The following KLHL29 variants were observed in gnomAD, a reference collection of about 807,000 sequenced individuals.
KLHL29 encodes the protein kelch-like protein 29.
In KLHL29, 21 loss-of-function variants were observed where a neutral mutation model predicts 80.4. That is an observed-to-expected ratio of 0.26 (90% confidence interval 0.19 to 0.38). The LOEUF is 0.38. Among genes scored for constraint, KLHL29 ranks in the 10% least tolerant of loss-of-function variants. KLHL29 has a pLI of 1.00. For synonymous variants in KLHL29, 511 were observed against 526.8 expected, an observed-to-expected ratio of 0.97 and a Z score of 0.41; for missense variants, 867 against 1,223.9, an observed-to-expected ratio of 0.71 and a Z score of 4.35.
chr2:23,704,696 G>A (rs1284383073), intron 13 of KLHL29, among the ~76,000 whole-genome samples: 1 of 152,210 alleles, frequency 6.6e-6, no homozygotes, highest in Non-Finnish European at 1.5e-5. Flanking sequence ...GAACCCGGGA[G>A]GCGGAGGTTG....
chr2:23,578,269 C>A (rs926618407), intron 3 of KLHL29, among the ~76,000 whole-genome samples: 9 of 152,196 alleles, frequency 5.9e-5, no homozygotes, highest in Admixed American at 5.9e-4. Context: ...CTTAACACAC[C>A]TCTTGGCCTG....
intron 1 of KLHL29, among the ~76,000 whole-genome samples, chr2:23,455,954 A>G (rs941101453): frequency 6.6e-6 from 1 of 152,146 alleles, no homozygotes; most frequent in African/African-American, 2.4e-5. Flanking sequence ...AGAGGGACAC[A>G]GGAATGTGCA....
intron 1 of KLHL29, among the ~76,000 whole-genome samples, chr2:23,417,064 C>A (rs1666995001): frequency 6.6e-6 from 1 of 152,200 alleles, no homozygotes. Context: ...CCTGAATACT[C>A]TTCCTTCCAC....
intron 5 of KLHL29, among the ~76,000 whole-genome samples, chr2:23,675,397 ACT>A (rs1670892145): frequency 6.6e-6 from 1 of 151,668 alleles, no homozygotes; most frequent in African/African-American, 2.4e-5. Flanking sequence ...GGGTCCTGAC[ACT>A]CTGCCCCCTG....
In KLHL29 at chr2:23,465,610, T is replaced by C. The variant is rs1373485162; in HGVS notation, c.-153-9950T>C. ...ATGGCAAAAGCGTCCTCAGTTGGCT[T>C]TTCTCCTGTCCTGTCTCATACCCTA... On this transcript the variant is annotated intron_variant, in intron 1 of 13. Transcript: ENST00000486442. Among the ~76,000 whole-genome samples, 3 of 152,254 alleles carry C rather than the reference T, an allele frequency of 2.0e-5. No homozygotes were observed. The East Asian group carries it at 5.8e-4, about 29-fold the overall frequency.
intron 2 of KLHL29, among the ~76,000 whole-genome samples, chr2:23,512,741 C>A (rs1181913671): frequency 1.3e-5 from 2 of 152,262 alleles, no homozygotes. Flanking sequence ...GAACAGAGAG[C>A]TTCGCCTCCC....
At chr2:23,496,823 A>G (rs1365597895) in intron 2 of KLHL29, among the ~76,000 whole-genome samples, 1 of 152,146 alleles carries the variant, frequency 6.6e-6, no homozygotes, top group Non-Finnish European at 1.5e-5. Flanking sequence ...CATACCATCC[A>G]TTTGCATTTC....
intron 3 of KLHL29, among the ~76,000 whole-genome samples, chr2:23,625,111 T>C (rs1206121382): frequency 6.6e-6 from 1 of 152,190 alleles, no homozygotes; most frequent in Non-Finnish European, 1.5e-5. Flanking sequence ...ATGTGAGCCG[T>C]GGTCATCCAG....
chr2:23,469,840 T>C (rs1664447297), intron 1 of KLHL29, among the ~76,000 whole-genome samples: 1 of 152,108 alleles, frequency 6.6e-6, no homozygotes, highest in Non-Finnish European at 1.5e-5. Context: ...CACCTTTGGC[T>C]TCTTTTTCTT....
intron 5 of KLHL29, among the ~76,000 whole-genome samples, chr2:23,654,010 T>C (rs1387734572): frequency 6.6e-6 from 1 of 151,854 alleles, no homozygotes; most frequent in African/African-American, 2.4e-5. Flanking sequence ...CTACTAAAAA[T>C]ACAAAAATTA....
intron 3 of KLHL29, among the ~76,000 whole-genome samples, chr2:23,586,882 C>T (rs951272659): frequency 1.2e-4 from 18 of 152,194 alleles, no homozygotes; most frequent in African/African-American, 4.1e-4. Flanking sequence ...TGATTCCTCT[C>T]TGTGACCCCA....
intron 3 of KLHL29, among the ~76,000 whole-genome samples, chr2:23,564,735 G>A (rs191202016): frequency 2.0e-5 from 3 of 152,348 alleles, no homozygotes; most frequent in Non-Finnish European, 2.9e-5. Flanking sequence ...CGGTTTCCCC[G>A]GTCAACAATG....
At chr2:23,512,382 T>A (rs1391111218) in intron 2 of KLHL29, among the ~76,000 whole-genome samples, 1 of 151,522 alleles carries the variant, frequency 6.6e-6, no homozygotes, top group Non-Finnish European at 1.5e-5. Context: ...GAGGTGGAGG[T>A]TGCTGTGAGC....
At chr2:23,553,619 G>A (rs1454265695) in intron 2 of KLHL29, among the ~76,000 whole-genome samples, 5 of 152,302 alleles carry the variant, frequency 3.3e-5, no homozygotes, top group East Asian at 1.9e-4. Context: ...ATGGTGAGGC[G>A]TAATTTAAGG....
rs1423852847 is a variant in KLHL29, at chr2:23,696,629, A to G, written c.2105+116A>G. The G allele has an allele frequency of 6.3e-6, 5 of 795,262 alleles. No homozygotes were observed. Among genetic ancestry groups the G allele is most frequent in the Admixed American group, 6.2e-5 (2 of 32,246 alleles). The allele number at this position is 795,262 out of a possible 1,614,324, so 49.3% of individuals were successfully genotyped here. On this transcript the variant is annotated intron_variant, in intron 11 of 13. Transcript: ENST00000486442. This position sits in a 1 kb window ranked among gnomAD's most constrained non-coding sequence, Gnocchi z 5.5. ...GTGGCGATGGAGCAGAGCCTGGACC[A>G]TTCATATGGGCAGTCATCCCAGGCT...
chr2:23,532,545 T>C (rs1221613066), intron 2 of KLHL29: 2 of 456,610 alleles, frequency 4.4e-6, no homozygotes, highest in African/African-American at 2.0e-5. Flanking sequence ...CTTGCTCCTA[T>C]GTTAAAATCT....
Position 23,613,742 on chromosome 2 carries a change from C to T in KLHL29, c.286-25397C>T, listed in dbSNP as rs554488552. ...TCGCGCCATTGCACTCCAGCCTGGG[C>T]GGCAGGGCAAGACTCCATCTCAAAA... On this transcript the variant is annotated intron_variant, in intron 3 of 13. Coordinates refer to ENST00000486442, the MANE Select transcript of KLHL29 (RefSeq NM_052920.2). Among the ~76,000 whole-genome samples, 15 of 121,206 alleles carry T rather than the reference C, an allele frequency of 1.2e-4. No homozygotes were observed. The South Asian group carries it at 3.3e-3, about 27-fold the overall frequency. The allele number at this position is 121,206 out of a possible 152,430, so 79.5% of individuals were successfully genotyped here.
chr2:23,409,321 C>G (rs1666806630), intron 1 of KLHL29, among the ~76,000 whole-genome samples: 2 of 152,156 alleles, frequency 1.3e-5, no homozygotes, highest in Non-Finnish European at 2.9e-5. Context: ...CAGATTAAGG[C>G]CTTCTATCAG....
intron 2 of KLHL29, among the ~76,000 whole-genome samples, chr2:23,490,832 A>T (rs1415266714): frequency 6.6e-6 from 1 of 152,096 alleles, no homozygotes; most frequent in Non-Finnish European, 1.5e-5. Context: ...GGTCACAGGG[A>T]TCTCTGGAGG....
Sources: gnomAD v4.1 joint callset for allele counts (sites outside exome capture counted in the v4.1 genomes callset) on GRCh38, gnomAD v4.1.1 for gene constraint, Gnocchi (gnomAD v3.1) non-coding constraint, MANE v1.5 for transcripts, NCBI Gene and HGNC (gene_info 2026-07-23, HGNC 2026-07-21) for gene names.